SEMA5B: variants seen among roughly 807,000 people sequenced by gnomAD.
The protein encoded by SEMA5B is semaphorin 5B, also known as semaphorin-5B.
A neutral mutation model predicts 135.0 loss-of-function variants in SEMA5B; 66 were observed. The observed-to-expected ratio is 0.49, with a 90% CI of 0.40 to 0.60. The LOEUF (loss-of-function observed/expected upper bound fraction) is 0.60. SEMA5B is among the 20% of genes least tolerant of loss of function. The pLI is 0.00. For synonymous variants in SEMA5B, 690 were observed against 639.5 expected, an observed-to-expected ratio of 1.08 and a Z score of -1.19; for missense variants, 1,501 against 1,566.3, an observed-to-expected ratio of 0.96 and a Z score of 0.70.
intron 5 of SEMA5B, among the ~76,000 whole-genome samples, chr3:122,933,279 A>T (rs1022729439): frequency 6.6e-6 from 1 of 152,110 alleles, no homozygotes; most frequent in African/African-American, 2.4e-5. Context: ...ATGGTAGATC[A>T]ATTTTTCAAA....
intron 1 of SEMA5B, among the ~76,000 whole-genome samples, chr3:123,026,148 T>C (rs1246605112): frequency 6.6e-6 from 1 of 152,138 alleles, no homozygotes; most frequent in African/African-American, 2.4e-5. Flanking sequence ...TCGGATTCAC[T>C]AGGGGCTGAA....
Position 122,930,840 on chromosome 3 carries a change from C to G in SEMA5B, c.475-1782G>C, listed in dbSNP as rs1020694510. Among the ~76,000 whole-genome samples, 4 of 152,124 alleles carry G rather than the reference C, an allele frequency of 2.6e-5. No homozygotes were observed. The East Asian group carries it at 7.7e-4, about 29-fold the overall frequency. On this transcript the variant is annotated intron_variant, in intron 5 of 22. Coordinates refer to ENST00000357599, the MANE Select transcript of SEMA5B (RefSeq NM_001031702.4). ...AGTCCAGAGAGGTGGAGCAAGTTGC[C>G]CAAGGTCACACAGCTAGTAAACGAG... is the stretch of plus-strand genomic sequence containing the variant.
At position 122,932,242 on chromosome 3, in the gene SEMA5B, G is replaced by GTTTTTT. The variant is rs1358801187; in HGVS notation, c.475-3185_475-3184insAAAAAA. On this transcript the variant is annotated intron_variant, in intron 5 of 22. Transcript: ENST00000357599. ...AGGTCTTACACATCCCTCTCAATATGATTTTTTTTTTTTTTTTTTTTTTTT... is the reference window on the plus strand; with the variant it reads ...AGGTCTTACACATCCCTCTCAATATGTTTTTTATTTTTTTTTTTTTTTTTTTTTTTT... Among the ~76,000 whole-genome samples, 3 of 54,664 alleles carry GTTTTTT rather than the reference G, an allele frequency of 5.5e-5. 1 individual carries two copies. The highest frequency in any genetic ancestry group is 1.3e-4 in the Non-Finnish European group (3 of 23,058). 35.9% of individuals were successfully genotyped at this position (54,664 alleles called of 152,430 possible).
intron 1 of SEMA5B, among the ~76,000 whole-genome samples, chr3:122,998,419 G>A (rs1435363883): frequency 1.3e-5 from 2 of 152,168 alleles, no homozygotes; most frequent in African/African-American, 4.8e-5. Flanking sequence ...ACTGCTCTGA[G>A]CCTCCACTTC....
intron 2 of SEMA5B, among the ~76,000 whole-genome samples, chr3:122,952,114 T>C (rs115074638): frequency 9.7e-4 from 148 of 152,284 alleles, no homozygotes; most frequent in Non-Finnish European, 1.3e-3. Flanking sequence ...AACTCGTTCA[T>C]ACTTTGCTCC....
chr3:122,994,764 C>T (rs1033750297), intron 1 of SEMA5B, among the ~76,000 whole-genome samples: 1 of 152,200 alleles, frequency 6.6e-6, no homozygotes, highest in South Asian at 2.1e-4. Context: ...CTCTGAGACT[C>T]GGTTTCCCTG....
At chr3:122,948,392 G>T (rs566470783) in intron 3 of SEMA5B, 114 bp downstream of exon 3, 1 of 863,762 alleles carries the variant, frequency 1.2e-6, no homozygotes, top group Non-Finnish European at 1.7e-6. Flanking sequence ...GGACCCAGCA[G>T]TTAATGAACA....
In SEMA5B at chr3:122,928,516, C is replaced by A; in HGVS notation, c.636+1G>T. On this transcript the variant is annotated splice_donor_variant, in intron 7 of 22. Coordinates refer to ENST00000357599, the MANE Select transcript of SEMA5B (RefSeq NM_001031702.4). LOFTEE classifies it high-confidence loss of function. ...AGTCTCCTCCACCCTGAGGTGCCCA[C>A]CTGTCTGCTGGTGCACATGGGGGAA... is the stretch of plus-strand genomic sequence containing the variant. 6.4e-7 allele frequency: 1 copy of A among 1,555,582 alleles called. No homozygotes were observed. Among genetic ancestry groups the A allele is most frequent in the Non-Finnish European group, 8.7e-7 (1 of 1,149,506 alleles).
chr3:122,955,452 T>C (rs1940250152), intron 2 of SEMA5B, among the ~76,000 whole-genome samples: 1 of 152,268 alleles, frequency 6.6e-6, no homozygotes, highest in East Asian at 1.9e-4. Flanking sequence ...CACATCTCAA[T>C]TATATTAACT....
chr3:122,993,888 C>A (rs779794757), intron 1 of SEMA5B, among the ~76,000 whole-genome samples: 2 of 152,094 alleles, frequency 1.3e-5, no homozygotes, highest in African/African-American at 4.8e-5. Flanking sequence ...TCAGCGGCAT[C>A]GCCCCTCCTT....
chr3:122,984,389 A>G (rs1043203829), intron 1 of SEMA5B, among the ~76,000 whole-genome samples: 3 of 152,202 alleles, frequency 2.0e-5, no homozygotes, highest in Non-Finnish European at 2.9e-5. Context: ...TCAGAAGGAG[A>G]GCATCTGGGT....
intron 5 of SEMA5B, among the ~76,000 whole-genome samples, chr3:122,938,376 A>G (rs778400993): frequency 3.3e-5 from 5 of 152,024 alleles, no homozygotes; most frequent in African/African-American, 4.8e-5. Flanking sequence ...GTTCCTCCCA[A>G]CCCTTCCCTT....
intron 15 of SEMA5B, 76 bp from the exon 16 acceptor site, chr3:122,913,757 C>A (rs926029372): frequency 1.8e-5 from 28 of 1,581,356 alleles, no homozygotes; most frequent in South Asian, 1.6e-4. Context: ...GAGTGCAAGA[C>A]CGGAAAGGAC....
At chr3:122,950,213 C>T (rs1471602624) in intron 2 of SEMA5B, among the ~76,000 whole-genome samples, 1 of 152,200 alleles carries the variant, frequency 6.6e-6, no homozygotes, top group Non-Finnish European at 1.5e-5. Flanking sequence ...CAAGTTAAAA[C>T]ATAGACTGAG....
At chr3:122,943,576 A>T in intron 3 of SEMA5B, 41 bp from the exon 4 acceptor site, 8 of 1,407,348 alleles carry the variant, frequency 5.7e-6, no homozygotes, top group Non-Finnish European at 8.0e-6. Context: ...CTGTTGGGCC[A>T]GAGGCTCCCA....
chr3:123,001,198 G>T (rs1350617653), intron 1 of SEMA5B, among the ~76,000 whole-genome samples: 6 of 152,178 alleles, frequency 3.9e-5, no homozygotes, highest in Non-Finnish European at 7.3e-5. Context: ...TCTCAGGGGA[G>T]TCTGAATGTG....
intron 1 of SEMA5B, among the ~76,000 whole-genome samples, chr3:122,969,892 T>A (rs925577098): frequency 6.6e-5 from 10 of 152,216 alleles, no homozygotes; most frequent in Non-Finnish European, 1.5e-5. Flanking sequence ...GTGTGTTATG[T>A]GCTGGGAATT....
intron 10 of SEMA5B, among the ~76,000 whole-genome samples, chr3:122,923,219 G>T (rs1037927571): frequency 6.6e-6 from 1 of 152,148 alleles, no homozygotes; most frequent in African/African-American, 2.4e-5. Context: ...ACCACTCCTA[G>T]CACTGACCAC....
chr3:123,011,545 C>T (rs1942438363), intron 1 of SEMA5B, among the ~76,000 whole-genome samples: 2 of 152,206 alleles, frequency 1.3e-5, no homozygotes, highest in South Asian at 4.1e-4. Context: ...GGTGGGGTTT[C>T]CCCAGGACAG....
Sources: gnomAD v4.1 joint callset for allele counts (sites outside exome capture counted in the v4.1 genomes callset) on GRCh38, gnomAD v4.1.1 for gene constraint, MANE v1.5 for transcripts, NCBI Gene and HGNC (gene_info 2026-07-23, HGNC 2026-07-21) for gene names.